The following CFAP161 variants were observed in gnomAD, a reference collection of about 807,000 sequenced individuals.
CFAP161 encodes the protein cilia and flagella associated protein 161.
In CFAP161, 25 loss-of-function variants were observed where a neutral mutation model predicts 29.0. That is an observed-to-expected ratio of 0.86 (90% CI 0.63 to 1.20). The LOEUF is 1.20. Ranked by LOEUF, CFAP161 falls within the 50% of genes most tolerant of loss-of-function variation. CFAP161 has a pLI of 0.00. For synonymous variants in CFAP161, 116 were observed against 137.4 expected (o/e 0.84, Z 1.09); for missense variants, 367 against 371.9 (o/e 0.99, Z 0.11).
chr15:81,147,812 A>AC, intron 5 of CFAP161, 46 bp from the exon 6 acceptor site: 1 of 1,479,092 alleles, frequency 6.8e-7, no homozygotes, highest in African/African-American at 1.4e-5. Context: ...AAAGCAAAAA[A>AC]AAAAATGTTT....
intron 2 of CFAP161, among the ~76,000 whole-genome samples, chr15:81,128,953 C>T (rs771873783): frequency 1.1e-5 from 1 of 90,820 alleles, no homozygotes; most frequent in South Asian, 2.9e-4. Context: ...GACTCTGTCT[C>T]GAGAAAAAAA....
chr15:81,130,221 T>C (rs1894692252), upstream of CFAP161, among the ~76,000 whole-genome samples: 1 of 152,232 alleles, frequency 6.6e-6, no homozygotes, highest in African/African-American at 2.4e-5. Context: ...GTAAAACTTT[T>C]TTCATATCAG....
intron 1 of CFAP161, among the ~76,000 whole-genome samples, chr15:81,104,989 G>C (rs1894343943): frequency 6.6e-6 from 1 of 152,104 alleles, no homozygotes; most frequent in Non-Finnish European, 1.5e-5. Flanking sequence ...CGGTGACTCT[G>C]AGGGAGAATC....
intron 4 of CFAP161, among the ~76,000 whole-genome samples, chr15:81,142,172 G>T (rs1214398503): frequency 6.6e-6 from 1 of 151,790 alleles, no homozygotes; most frequent in South Asian, 2.1e-4. Context: ...TCTTGCCCCA[G>T]TGCAGCCCCT....
At chr15:81,142,186 C>A (rs1255035827) in intron 4 of CFAP161, among the ~76,000 whole-genome samples, 3 of 152,118 alleles carry the variant, frequency 2.0e-5, no homozygotes, top group Admixed American at 6.5e-5. Flanking sequence ...AGCCCCTCAG[C>A]AACCCAGGCC....
chr15:81,103,385 C>G (rs1392922650), intron 1 of CFAP161, among the ~76,000 whole-genome samples: 1 of 152,142 alleles, frequency 6.6e-6, no homozygotes, highest in Admixed American at 6.5e-5. Context: ...CCCCACCCTT[C>G]TGATTGGAGT....
chr15:81,141,787 C>T (rs539228452), intron 4 of CFAP161, among the ~76,000 whole-genome samples: 4 of 151,540 alleles, frequency 2.6e-5, no homozygotes, highest in Non-Finnish European at 4.4e-5. Flanking sequence ...CGGGTTCAAG[C>T]GATTCTCATG....
At chr15:81,111,922 A>T (rs1012864074) in intron 1 of CFAP161, among the ~76,000 whole-genome samples, 2 of 152,248 alleles carry the variant, frequency 1.3e-5, no homozygotes, top group African/African-American at 2.4e-5. Context: ...TGTTGTATGG[A>T]TTATTGCCAT....
chr15:81,125,470 A>T (rs934391581), intron 1 of CFAP161, among the ~76,000 whole-genome samples: 1 of 152,176 alleles, frequency 6.6e-6, no homozygotes, highest in Non-Finnish European at 1.5e-5. Context: ...TCAAACCCCT[A>T]TTCCTTAAAA....
At chr15:81,107,489 G>C (rs1216272696) in intron 1 of CFAP161, among the ~76,000 whole-genome samples, 1 of 152,222 alleles carries the variant, frequency 6.6e-6, no homozygotes, top group African/African-American at 2.4e-5. Flanking sequence ...ACTTTGGGAG[G>C]CCGGGGTGGG....
At chr15:81,119,653 T>C (rs2141867950) in intron 1 of CFAP161, among the ~76,000 whole-genome samples, 1 of 152,294 alleles carries the variant, frequency 6.6e-6, no homozygotes, top group South Asian at 2.1e-4. Context: ...TTTGGGGCTC[T>C]CTGGAGGCCC....
intron 4 of CFAP161, among the ~76,000 whole-genome samples, chr15:81,140,419 T>C (rs1894887182): frequency 6.6e-6 from 1 of 152,240 alleles, no homozygotes; most frequent in African/African-American, 2.4e-5. Flanking sequence ...GTCAGTTATA[T>C]CTATTATCCC....
intron 1 of CFAP161, among the ~76,000 whole-genome samples, chr15:81,121,341 A>G (rs1291447348): frequency 6.6e-6 from 1 of 151,978 alleles, no homozygotes; most frequent in Non-Finnish European, 1.5e-5. Context: ...CATATTTATA[A>G]CTTTACATTT....
At chr15:81,107,911 CCT>C (rs1016117873) in intron 1 of CFAP161, among the ~76,000 whole-genome samples, 7 of 151,410 alleles carry the variant, frequency 4.6e-5, no homozygotes, top group Admixed American at 3.9e-4. Context: ...CCTTTCCTCC[CCT>C]CTTATCACAT....
intron 1 of CFAP161, among the ~76,000 whole-genome samples, chr15:81,115,399 G>T (rs1894484896): frequency 6.6e-6 from 1 of 152,164 alleles, no homozygotes; most frequent in African/African-American, 2.4e-5. Context: ...GCAGTGGAGG[G>T]GGGTAATTGG....
In CFAP161 at chr15:81,148,378, T is replaced by C; in HGVS notation, c.751T>C (p.Tyr251His). Reference sequence around the variant, plus strand: ...GGAGGCTGAGGTTGTAGCTCACACATACCTGGATTCACATAGAGTTGAGAA... The same window carrying C: ...GGAGGCTGAGGTTGTAGCTCACACACACCTGGATTCACATAGAGTTGAGAA... Reference protein sequence around the residue: ...GKEAEVVAHTYLDSHRVEKPR... With the variant: ...GKEAEVVAHTHLDSHRVEKPR... The change falls in exon 7 of 7, where the codon TAC becomes CAC. Residue 251 changes from tyrosine (Y) to histidine (H), a missense_variant. Transcript: ENST00000286732. 1.2e-6 allele frequency: 2 copies of C among 1,614,228 alleles called. No individual in the cohort carries two copies. Among genetic ancestry groups the C allele is most frequent in the South Asian group, 2.2e-5 (2 of 91,088 alleles).
intron 1 of CFAP161, among the ~76,000 whole-genome samples, chr15:81,107,753 A>AAAATAAAATAAAAT (rs1567150527): frequency 1.1e-4 from 16 of 152,292 alleles, no homozygotes; most frequent in African/African-American, 3.4e-4. Context: ...TAAAATAAAT[A>AAAATAAAATAAAAT]AACAGAGCTG....
At chr15:81,112,170 G>A (rs1161396526) in intron 1 of CFAP161, among the ~76,000 whole-genome samples, 7 of 151,712 alleles carry the variant, frequency 4.6e-5, no homozygotes, top group Non-Finnish European at 1.0e-4. Flanking sequence ...ACTTGCGCAA[G>A]CCGAGTGAAA....
At chr15:81,115,849 ATTT>A (rs59925511) in intron 1 of CFAP161, among the ~76,000 whole-genome samples, 1 of 138,670 alleles carries the variant, frequency 7.2e-6, no homozygotes, top group Non-Finnish European at 1.6e-5. Context: ...TAGCTAATTA[ATTT>A]TTTTTTTTTT....
Sources: gnomAD v4.1 joint callset for allele counts (sites outside exome capture counted in the v4.1 genomes callset) on GRCh38, gnomAD v4.1.1 for gene constraint, MANE v1.5 for transcripts, NCBI Gene and HGNC (gene_info 2026-07-23, HGNC 2026-07-21) for gene names.